Variants in MACROD2 observed in about 807,000 individuals in gnomAD.
MACROD2 encodes ADP-ribose glycohydrolase MACROD2.
MACROD2 carries 36 observed loss-of-function variants against 70.4 expected under a neutral mutation model. That is an observed-to-expected ratio of 0.51 (90% confidence interval 0.39 to 0.68). The LOEUF (loss-of-function observed/expected upper bound fraction) is 0.68, where lower values mean the gene tolerates loss of function less well. Ranked by LOEUF, MACROD2 falls within the 30% of genes least tolerant of loss-of-function variation. The probability of loss-of-function intolerance (pLI) is 0.00; values close to 1 mark genes in which losing one functional copy is unlikely to be tolerated. For synonymous variants in MACROD2, 172 were observed against 178.8 expected (o/e 0.96, Z 0.30); for missense variants, 496 against 538.4 (o/e 0.92, Z 0.78).
intron 6 of MACROD2, among the ~76,000 whole-genome samples, chr20:15,422,273 A>G (rs529855632): frequency 7.9e-5 from 12 of 152,082 alleles, no homozygotes; most frequent in Admixed American, 3.3e-4. Context: ...TTCTCACTCT[A>G]CTCTTGGCAG....
At chr20:15,694,370 A>G (rs906562315) in intron 8 of MACROD2, among the ~76,000 whole-genome samples, 10 of 152,190 alleles carry the variant, frequency 6.6e-5, no homozygotes, top group African/African-American at 2.4e-4. Flanking sequence ...CATCTACACC[A>G]ACATCTACTG....
At chr20:15,972,473 A>G (rs1324827505) in intron 13 of MACROD2, among the ~76,000 whole-genome samples, 1 of 152,168 alleles carries the variant, frequency 6.6e-6, no homozygotes, top group Non-Finnish European at 1.5e-5. Context: ...AATCACAAAA[A>G]CAAGCAGAGG....
intron 5 of MACROD2, among the ~76,000 whole-genome samples, chr20:14,981,434 A>G (rs920647212): frequency 1.7e-4 from 9 of 52,142 alleles, no homozygotes; most frequent in South Asian, 7.6e-4. Context: ...ATGTATATGT[A>G]TATATATATA....
intron 6 of MACROD2, among the ~76,000 whole-genome samples, chr20:15,350,237 G>A (rs1008844237): frequency 6.6e-6 from 1 of 152,134 alleles, no homozygotes; most frequent in Non-Finnish European, 1.5e-5. Flanking sequence ...CAATAAGGCT[G>A]CAGTGATCAT....
chr20:15,058,575 T>C (rs775358079), intron 5 of MACROD2, among the ~76,000 whole-genome samples: 1 of 152,226 alleles, frequency 6.6e-6, no homozygotes, highest in Non-Finnish European at 1.5e-5. Flanking sequence ...ATCTGGCAAC[T>C]GTAGGTAGAA....
chr20:15,332,340 A>G lies in MACROD2; in HGVS notation c.541-99065A>G, dbSNP rs1027942262. On this transcript the variant is annotated intron_variant, in intron 6 of 17. Coordinates refer to ENST00000684519, the MANE Select transcript of MACROD2 (RefSeq NM_001351661.2). ...TCAATCTAAGGCTTTTATTTACTCTAGATCTATACTTCATACGCTTAGGAG... is the reference window on the plus strand; with the variant it reads ...TCAATCTAAGGCTTTTATTTACTCTGGATCTATACTTCATACGCTTAGGAG... 8.6e-5 allele frequency among the ~76,000 whole-genome samples: 13 copies of G among 151,718 alleles called. 1 individual carries two copies. Among genetic ancestry groups the G allele is most frequent in the African/African-American group, 2.4e-4 (10 of 41,058 alleles).
At chr20:14,801,624 G>T (rs770786561) in intron 5 of MACROD2, among the ~76,000 whole-genome samples, 12 of 151,966 alleles carry the variant, frequency 7.9e-5, no homozygotes, top group Admixed American at 1.3e-4. Context: ...AAGCATATTT[G>T]GAGTTTCCAG....
At chr20:14,018,869 A>G (rs1375345989) in intron 2 of MACROD2, among the ~76,000 whole-genome samples, 1 of 152,184 alleles carries the variant, frequency 6.6e-6, no homozygotes, top group African/African-American at 2.4e-5. Context: ...CTTTATTGCA[A>G]GGTTGACTAG....
intron 8 of MACROD2, among the ~76,000 whole-genome samples, chr20:15,652,187 C>T (rs1314891414): frequency 6.6e-6 from 1 of 152,134 alleles, no homozygotes; most frequent in Non-Finnish European, 1.5e-5. Context: ...CAAAAAAGGC[C>T]TTTTCTTTAT....
In MACROD2 at chr20:14,322,335, G is replaced by T. The variant is rs540740163; in HGVS notation, c.272-171144G>T. Among the ~76,000 whole-genome samples, 6 of 149,116 alleles carry T rather than the reference G, an allele frequency of 4.0e-5. No homozygotes were observed. The South Asian group carries it at 1.3e-3, about 31-fold the overall frequency. Reference sequence around the variant, plus strand: ...ATTCCAGGCAACATAATCAAAAGGTGTATTTTAGAACATACACAAACTTTT... The same window carrying T: ...ATTCCAGGCAACATAATCAAAAGGTTTATTTTAGAACATACACAAACTTTT... On this transcript the variant is annotated intron_variant, in intron 3 of 17. Transcript: ENST00000684519.
intron 4 of MACROD2, among the ~76,000 whole-genome samples, chr20:14,669,784 C>T (rs1472750482): frequency 6.6e-6 from 1 of 151,958 alleles, no homozygotes; most frequent in Non-Finnish European, 1.5e-5. Flanking sequence ...CCTTGCACTT[C>T]TGCTTGATCT....
chr20:15,375,088 G>C (rs1287256838), intron 6 of MACROD2, among the ~76,000 whole-genome samples: 1 of 152,158 alleles, frequency 6.6e-6, no homozygotes, highest in Non-Finnish European at 1.5e-5. Flanking sequence ...CCAGTCTTCT[G>C]TTATTCAAGT....
chr20:14,069,076 G>A (rs752058377), intron 2 of MACROD2, among the ~76,000 whole-genome samples: 2 of 152,088 alleles, frequency 1.3e-5, no homozygotes, highest in Non-Finnish European at 1.5e-5. Flanking sequence ...AGCCTCCCAA[G>A]TAGCTGGGAT....
intron 3 of MACROD2, among the ~76,000 whole-genome samples, chr20:14,130,792 T>G (rs2054707103): frequency 6.6e-6 from 1 of 152,180 alleles, no homozygotes; most frequent in African/African-American, 2.4e-5. Flanking sequence ...AATTTGTCAT[T>G]TTTTGGAGAT....
chr20:15,844,054 G>A (rs1266565598), intron 8 of MACROD2, among the ~76,000 whole-genome samples: 1 of 151,618 alleles, frequency 6.6e-6, no homozygotes, highest in East Asian at 1.9e-4. Context: ...TAGCATGCCT[G>A]CACATATATG....
chr20:15,836,669 T>G (rs937648102), intron 8 of MACROD2, among the ~76,000 whole-genome samples: 4 of 152,220 alleles, frequency 2.6e-5, no homozygotes, highest in African/African-American at 9.6e-5. Context: ...GCATAAATGA[T>G]GTATTGAAAG....
At chr20:14,321,920 T>G (rs1486260780) in intron 3 of MACROD2, among the ~76,000 whole-genome samples, 1 of 151,976 alleles carries the variant, frequency 6.6e-6, no homozygotes, top group Non-Finnish European at 1.5e-5. Context: ...AATTTTTGAT[T>G]TTTGTCAAAC....
At chr20:15,691,963 C>T (rs1163498838) in intron 8 of MACROD2, among the ~76,000 whole-genome samples, 4 of 152,268 alleles carry the variant, frequency 2.6e-5, no homozygotes, top group African/African-American at 4.8e-5. Flanking sequence ...TTTCAAGTAC[C>T]GGACCTCGGT....
At chr20:15,530,503 C>T (rs999473005) in intron 8 of MACROD2, among the ~76,000 whole-genome samples, 18 of 151,864 alleles carry the variant, frequency 1.2e-4, no homozygotes, top group African/African-American at 3.6e-4. Flanking sequence ...TAGGCTGAGG[C>T]GGGCGGATCA....
Sources: allele counts gnomAD v4.1 joint callset (sites outside exome capture counted in the v4.1 genomes callset), GRCh38; gene constraint gnomAD v4.1.1; transcripts MANE v1.5; gene names NCBI Gene and HGNC (gene_info 2026-07-23, HGNC 2026-07-21).